NBEA: variants seen among roughly 807,000 people sequenced by gnomAD.
NBEA encodes neurobeachin.
A neutral mutation model predicts 343.4 loss-of-function variants in NBEA; 44 were observed. The ratio of observed to expected loss-of-function variants is 0.13; its 90% CI spans 0.10 to 0.16. The LOEUF is 0.16. NBEA is among the 10% of genes least tolerant of loss of function. The pLI is 1.00. For synonymous variants in NBEA, 1,175 were observed against 1,238.7 expected (o/e 0.95, Z 1.08); for missense variants, 2,555 against 3,631.3 (o/e 0.70, Z 7.62).
chr13:35,518,832 G>A (rs9574078), intron 41 of NBEA, among the ~76,000 whole-genome samples: 9,129 of 152,106 alleles, frequency 0.06, 599 homozygotes, highest in East Asian at 0.22. Flanking sequence ...GGGGCGGTGT[G>A]GGGGGAAGGT....
chr13:35,424,679 G>A (rs1005854688), intron 38 of NBEA, among the ~76,000 whole-genome samples: 1 of 152,118 alleles, frequency 6.6e-6, no homozygotes, highest in Non-Finnish European at 1.5e-5. Context: ...GAGTTAGGGA[G>A]GATTCCCTCT....
Position 35,045,330 on chromosome 13 carries a change from T to A in NBEA, c.652T>A (p.Ser218Thr). 6.2e-7 allele frequency: 1 copy of A among 1,610,710 alleles called. No individual in the cohort carries two copies. Among genetic ancestry groups the A allele is most frequent in the South Asian group, 1.1e-5 (1 of 90,112 alleles). ...IWPRHAVKLL[S>T]VLNQMPQRHG... ...GCCAAGACATGCAGTAAAATTATTATCAGTTCTTAATCAGATGCCACAGAG... is the reference window on the plus strand; with the variant it reads ...GCCAAGACATGCAGTAAAATTATTAACAGTTCTTAATCAGATGCCACAGAG... The change falls in exon 4 of 59, where the codon TCA becomes ACA. Residue 218 changes from serine (S) to threonine (T), a missense_variant. Around this residue, in one of 21 missense-constraint regions of NBEA, gnomAD observed 185 missense variants for 290.6 expected, o/e 0.64. Coordinates refer to ENST00000379939, the MANE Select transcript of NBEA (RefSeq NM_001385012.1).
chr13:35,391,020 A>G (rs759126321), intron 38 of NBEA, among the ~76,000 whole-genome samples: 62 of 152,258 alleles, frequency 4.1e-4, no homozygotes, highest in South Asian at 1.4e-3. Context: ...CATGCCTGTA[A>G]TCCCAACACT....
intron 34 of NBEA, among the ~76,000 whole-genome samples, chr13:35,233,972 A>T (rs1242476319): frequency 6.6e-6 from 1 of 152,182 alleles, no homozygotes; most frequent in Non-Finnish European, 1.5e-5. Context: ...AAACTTACTT[A>T]ATAAGTGCCA....
rs5802761 is a variant in NBEA, at chr13:35,308,438, CTATATATATA to C, written c.5839-1064_5839-1055del. On this transcript the variant is annotated intron_variant, in intron 35 of 58. Transcript: ENST00000379939. The stretch of plus-strand genomic sequence containing the variant: ...TTTCAATCCAAAACACTGCTATTTA[CTATATATATA>C]TATATATATATATATATATATATAT... 2.2e-3 allele frequency among the ~76,000 whole-genome samples: 194 copies of C among 88,960 alleles called. 6 individuals carry two copies. The highest frequency in any genetic ancestry group is 0.016 in the East Asian group (52 of 3,336). 58.4% of individuals were successfully genotyped at this position (88,960 alleles called of 152,430 possible).
intron 38 of NBEA, among the ~76,000 whole-genome samples, chr13:35,407,378 CA>C (rs2043326215): frequency 6.6e-6 from 1 of 151,880 alleles, no homozygotes; most frequent in South Asian, 2.1e-4. Flanking sequence ...AACCAAGAGA[CA>C]AAAAGCAACA....
intron 38 of NBEA, among the ~76,000 whole-genome samples, chr13:35,431,564 G>T (rs1375828388): frequency 6.6e-6 from 1 of 152,104 alleles, no homozygotes; most frequent in East Asian, 1.9e-4. Flanking sequence ...GTTGGCCGTG[G>T]CTATTAATGG....
chr13:35,308,506 ATATATG>A (rs2037100783), intron 35 of NBEA, among the ~76,000 whole-genome samples: 10 of 129,672 alleles, frequency 7.7e-5, no homozygotes, highest in African/African-American at 3.0e-4. Flanking sequence ...ATGTGTATAT[ATATATG>A]TGTATATATG....
intron 34 of NBEA, among the ~76,000 whole-genome samples, chr13:35,241,658 A>G (rs1253203314): frequency 6.6e-6 from 1 of 151,932 alleles, no homozygotes; most frequent in African/African-American, 2.4e-5. Context: ...TCATTCTCCC[A>G]AAGAAAAAAT....
At chr13:35,582,208 C>G (rs2081086077) in intron 45 of NBEA, among the ~76,000 whole-genome samples, 1 of 152,126 alleles carries the variant, frequency 6.6e-6, no homozygotes, top group Non-Finnish European at 1.5e-5. Flanking sequence ...ATGGCGTGAA[C>G]CCAGGAGGCG....
intron 39 of NBEA, among the ~76,000 whole-genome samples, chr13:35,438,071 T>G (rs1202057615): frequency 1.3e-5 from 2 of 151,812 alleles, no homozygotes; most frequent in Non-Finnish European, 2.9e-5. Flanking sequence ...CTTAAATAGG[T>G]CTGATCAGGC....
intron 37 of NBEA, among the ~76,000 whole-genome samples, chr13:35,351,848 T>G (rs1335936498): frequency 1.3e-5 from 2 of 151,974 alleles, no homozygotes; most frequent in African/African-American, 4.8e-5. Context: ...GATAAACAAG[T>G]AGGTTTACAT....
intron 38 of NBEA, among the ~76,000 whole-genome samples, chr13:35,393,981 C>T (rs1479469242): frequency 6.6e-6 from 1 of 152,038 alleles, no homozygotes. Context: ...AGATCAACAG[C>T]CCATTCTAGG....
At chr13:35,278,812 C>G (rs1299211928) in intron 34 of NBEA, among the ~76,000 whole-genome samples, 1 of 152,118 alleles carries the variant, frequency 6.6e-6, no homozygotes, top group East Asian at 1.9e-4. Context: ...ATGAATACTT[C>G]GGGCTTTGCA....
intron 1 of NBEA, among the ~76,000 whole-genome samples, chr13:35,001,907 A>G (rs2061154735): frequency 6.6e-6 from 1 of 152,202 alleles, no homozygotes; most frequent in South Asian, 2.1e-4. Flanking sequence ...GCATTGAAAT[A>G]TCACTCTTTA....
At chr13:35,422,439 G>A (rs140086466) in intron 38 of NBEA, among the ~76,000 whole-genome samples, 7 of 151,926 alleles carry the variant, frequency 4.6e-5, no homozygotes, top group African/African-American at 1.7e-4. Flanking sequence ...GCGAATGATG[G>A]TTTCCAGTTT....
chr13:35,164,602 A>T, intron 24 of NBEA, 93 bp downstream of exon 24: 3 of 1,342,708 alleles, frequency 2.2e-6, no homozygotes, highest in Non-Finnish European at 3.0e-6. Context: ...CATTTTAACC[A>T]GACCTGTACT....
chr13:35,497,099 G>A (rs1419473746), intron 41 of NBEA, among the ~76,000 whole-genome samples: 5 of 152,044 alleles, frequency 3.3e-5, no homozygotes, highest in Non-Finnish European at 5.9e-5. Flanking sequence ...AATGCAGATT[G>A]TACAAAAATT....
intron 6 of NBEA, 65 bp from the exon 7 acceptor site, chr13:35,055,945 C>G (rs74051228): frequency 6.1e-6 from 8 of 1,307,478 alleles, no homozygotes; most frequent in African/African-American, 1.5e-5. Context: ...ATGAATGTTA[C>G]AATTGCATTT....
Sources: gnomAD v4.1 joint callset for allele counts (sites outside exome capture counted in the v4.1 genomes callset) on GRCh38, gnomAD v4.1.1 for gene constraint, gnomAD v4.1.1 regional missense constraint, MANE v1.5 for transcripts, NCBI Gene and HGNC (gene_info 2026-07-23, HGNC 2026-07-21) for gene names.